Variants in GRM3 observed in about 807,000 individuals in gnomAD.
GRM3 encodes the protein glutamate metabotropic receptor 3.
Under a neutral mutation model 70.5 loss-of-function variants are expected in GRM3, and 26 were observed. The ratio of observed to expected loss-of-function variants is 0.37; its 90% CI spans 0.27 to 0.51. The LOEUF (loss-of-function observed/expected upper bound fraction) is 0.51. GRM3 is among the 20% of genes least tolerant of loss of function. GRM3 has a pLI of 0.93. For synonymous variants in GRM3, 443 were observed against 434.9 expected (o/e 1.02, Z -0.23); for missense variants, 859 against 1,123.8 (o/e 0.76, Z 3.37).
chr7:86,863,649 G>A (rs1799001453), intron 5 of GRM3, among the ~76,000 whole-genome samples: 1 of 152,158 alleles, frequency 6.6e-6, no homozygotes, highest in South Asian at 2.1e-4. Context: ...CTAAGGCAGT[G>A]GAGTTCACAG....
At chr7:86,714,269 A>G (rs931880386) in intron 1 of GRM3, among the ~76,000 whole-genome samples, 1 of 152,024 alleles carries the variant, frequency 6.6e-6, no homozygotes, top group African/African-American at 2.4e-5. Context: ...ACCCAATTTC[A>G]TGTGATGTAA....
intron 5 of GRM3, among the ~76,000 whole-genome samples, chr7:86,852,330 T>C (rs1403796975): frequency 3.9e-5 from 6 of 152,170 alleles, no homozygotes; most frequent in Non-Finnish European, 8.8e-5. Flanking sequence ...ATTGCGTATA[T>C]CCAGACCTCA....
chr7:86,662,964 A>G (rs1479751902), intron 1 of GRM3, among the ~76,000 whole-genome samples: 11 of 151,988 alleles, frequency 7.2e-5, no homozygotes, highest in Admixed American at 7.2e-4. Context: ...GCAGCACATT[A>G]AATTTAAAAA....
chr7:86,862,228 G>C (rs940655441), intron 5 of GRM3, among the ~76,000 whole-genome samples: 13 of 152,086 alleles, frequency 8.5e-5, no homozygotes, highest in Non-Finnish European at 1.9e-4. Flanking sequence ...GATACAAAAG[G>C]CTGCAGAAAA....
chr7:86,686,510 G>C (rs1259376975), intron 1 of GRM3, among the ~76,000 whole-genome samples: 6 of 152,328 alleles, frequency 3.9e-5, no homozygotes, highest in African/African-American at 1.2e-4. Context: ...TTTAGTATTT[G>C]AGTGCCTCAA....
At chr7:86,697,209 A>C (rs574242912) in intron 1 of GRM3, among the ~76,000 whole-genome samples, 321 of 152,202 alleles carry the variant, frequency 2.1e-3, no homozygotes, top group Admixed American at 5.9e-3. Flanking sequence ...TTGTCTCCTA[A>C]CACACAGGGG....
intron 3 of GRM3, among the ~76,000 whole-genome samples, chr7:86,825,521 G>T (rs955170172): frequency 2.0e-5 from 3 of 152,188 alleles, no homozygotes; most frequent in Admixed American, 6.5e-5. Flanking sequence ...GCTGGCAGGA[G>T]AAGTCATTTA....
rs376822171 is a variant in GRM3 at position 86,706,766 on chromosome 7, AT to A, written c.-140-58231del. Among the ~76,000 whole-genome samples the A allele has an allele frequency of 1.1e-3, 164 of 151,678 alleles. 1 individual carries two copies. The highest frequency in any genetic ancestry group is 3.2e-3 in the African/African-American group (132 of 41,374). ...AGATTGGCATTGACAAAATGGGTTG[AT>A]TTTTTTTTAAGTTGACTTTAATTAG... On this transcript the variant is annotated intron_variant, in intron 1 of 5. Transcript: ENST00000361669.
intron 3 of GRM3, among the ~76,000 whole-genome samples, chr7:86,822,218 T>C (rs1247821901): frequency 1.3e-5 from 2 of 152,160 alleles, no homozygotes; most frequent in Non-Finnish European, 2.9e-5. Flanking sequence ...ATTCTCAGGA[T>C]GAATTTCACT....
At chr7:86,803,691 G>A (rs557939487) in intron 3 of GRM3, among the ~76,000 whole-genome samples, 15 of 152,254 alleles carry the variant, frequency 9.9e-5, no homozygotes, top group African/African-American at 3.6e-4. Context: ...GAATTAACTA[G>A]CATGATTCCC....
intron 3 of GRM3, among the ~76,000 whole-genome samples, chr7:86,812,171 T>C (rs980118604): frequency 1.3e-5 from 2 of 151,748 alleles, no homozygotes; most frequent in Admixed American, 6.6e-5. Context: ...GTAAAAGTAA[T>C]GAGACTGTTA....
chr7:86,750,835 C>T (rs922464372), intron 1 of GRM3, among the ~76,000 whole-genome samples: 1 of 151,958 alleles, frequency 6.6e-6, no homozygotes, highest in Non-Finnish European at 1.5e-5. Context: ...AAAACAGCAA[C>T]TAGGACTTGG....
intron 3 of GRM3, among the ~76,000 whole-genome samples, chr7:86,830,073 A>G (rs1364713471): frequency 6.6e-6 from 1 of 152,098 alleles, no homozygotes; most frequent in Non-Finnish European, 1.5e-5. Flanking sequence ...CTTACCACTC[A>G]CTATTCTCAG....
At chr7:86,651,148 C>T (rs1437938110) in intron 1 of GRM3, among the ~76,000 whole-genome samples, 1 of 152,182 alleles carries the variant, frequency 6.6e-6, no homozygotes, top group Non-Finnish European at 1.5e-5. Context: ...AGTGCCTTCC[C>T]ACAGACAGGA....
chr7:86,812,134 T>G (rs1166974092), intron 3 of GRM3, among the ~76,000 whole-genome samples: 1 of 151,826 alleles, frequency 6.6e-6, no homozygotes, highest in Non-Finnish European at 1.5e-5. Flanking sequence ...AATGTTTTTA[T>G]GAAAATTATG....
chr7:86,759,355 G>C (rs1327484081), intron 1 of GRM3, among the ~76,000 whole-genome samples: 1 of 152,028 alleles, frequency 6.6e-6, no homozygotes, highest in South Asian at 2.1e-4. Flanking sequence ...TTTATCCAGG[G>C]CCAAAGTTGA....
intron 1 of GRM3, among the ~76,000 whole-genome samples, chr7:86,681,570 T>TG (rs1172477166): frequency 1.3e-5 from 2 of 152,052 alleles, no homozygotes; most frequent in African/African-American, 4.8e-5. Flanking sequence ...CTTTGGTGGC[T>TG]GGGGGGTGAG....
At chr7:86,811,752 T>C (rs530941766) in intron 3 of GRM3, among the ~76,000 whole-genome samples, 1 of 151,912 alleles carries the variant, frequency 6.6e-6, no homozygotes, top group South Asian at 2.1e-4. Context: ...AATTAAAATA[T>C]TTAAATCTGA....
chr7:86,710,799 G>A (rs1795180081), intron 1 of GRM3, among the ~76,000 whole-genome samples: 1 of 151,990 alleles, frequency 6.6e-6, no homozygotes, highest in Admixed American at 6.6e-5. Context: ...ATAATAACAT[G>A]TCTTTAAAGT....
Sources: gnomAD v4.1 joint callset for allele counts (sites outside exome capture counted in the v4.1 genomes callset) on GRCh38, gnomAD v4.1.1 for gene constraint, MANE v1.5 for transcripts, NCBI Gene and HGNC (gene_info 2026-07-23, HGNC 2026-07-21) for gene names.